NOSIP: variants seen among roughly 807,000 people sequenced by gnomAD.
The protein encoded by NOSIP is nitric oxide synthase-interacting protein.
NOSIP carries 25 observed loss-of-function variants against 36.4 expected under a neutral mutation model. That is an observed-to-expected ratio of 0.69 (90% confidence interval 0.50 to 0.96). The LOEUF (loss-of-function observed/expected upper bound fraction) is 0.96. NOSIP is among the 40% of genes least tolerant of loss of function. NOSIP has a pLI of 0.00. For missense variants in NOSIP, 370 were observed against 429.0 expected (o/e 0.86, Z 1.21); for synonymous variants, 187 against 179.2 (o/e 1.04, Z -0.35).
At position 49,557,273 on chromosome 19, in the gene NOSIP, G is replaced by A. The variant is rs770837422; in HGVS notation, c.259-24C>T. 7.7e-6 allele frequency: 12 copies of A among 1,555,898 alleles called. No homozygotes were observed. In the South Asian group the frequency reaches 1.4e-4, roughly 18 times the overall value. ...GCCTGCGTCGGGGAAAGTGGGCTGA[G>A]CATCTGCCCGTGGGGCTGGGGGTAT... On this transcript the variant is annotated intron_variant, in intron 4 of 8. Transcript: ENST00000596358.
rs530379193 is a variant in NOSIP at position 49,559,916 on chromosome 19, T to G, written c.176+18A>C. The stretch of plus-strand genomic sequence containing the variant: ...TGCTCTCCCCACCCAGACCTACCCA[T>G]CCCTGTTCCCAGCTCACGTGACAAC... On this transcript the variant is annotated intron_variant, in intron 3 of 8. Transcript: ENST00000596358. 8.8e-6 allele frequency: 14 copies of G among 1,589,596 alleles called. No individual in the cohort carries two copies. Among genetic ancestry groups the G allele is most frequent in the Non-Finnish European group, 1.1e-5 (13 of 1,161,568 alleles).
Position 49,560,513 on chromosome 19 carries a change from C to CG in NOSIP, c.70+108dup, listed in dbSNP as rs138827072. On this transcript the variant is annotated intron_variant, in intron 2 of 8. Transcript: ENST00000596358. This position sits in a 1 kb window ranked among gnomAD's most constrained non-coding sequence, Gnocchi z 4.6. ...CATGGTCATGGCCATCAGTGTATAT[C>CG]GGGGGCGGGAGAGAGACAGGGACAG... 0.12 allele frequency: 96,560 copies of CG among 791,044 alleles called. 6,762 individuals carry two copies. The highest frequency in any genetic ancestry group is 0.17 in the African/African-American group (10,131 of 58,972). 49.0% of individuals were successfully genotyped at this position (791,044 alleles called of 1,614,324 possible).
intron 4 of NOSIP, chr19:49,558,687 T>C: frequency 1.6e-6 from 1 of 617,330 alleles, no homozygotes; most frequent in Non-Finnish European, 2.9e-6. Flanking sequence ...AGAGAAGAGG[T>C]GACTGGGGCA....
intron 1 of NOSIP, among the ~76,000 whole-genome samples, chr19:49,563,303 G>A (rs527411661): frequency 6.6e-6 from 1 of 151,724 alleles, no homozygotes; most frequent in African/African-American, 2.4e-5. Context: ...AGCCTCTCGA[G>A]TAGCTGGGAC....
intron 1 of NOSIP, among the ~76,000 whole-genome samples, chr19:49,567,026 G>T (rs1269545419): frequency 1.3e-5 from 2 of 151,566 alleles, no homozygotes; most frequent in Admixed American, 1.3e-4. Flanking sequence ...ATGTTGGCCA[G>T]GCTGGTCTTG....
At chr19:49,568,407 T>C (rs1015041026) in intron 1 of NOSIP, among the ~76,000 whole-genome samples, 2 of 152,142 alleles carry the variant, frequency 1.3e-5, no homozygotes, top group African/African-American at 4.8e-5. Flanking sequence ...GGTATTTGTT[T>C]GAAGTGCCGT....
intron 1 of NOSIP, among the ~76,000 whole-genome samples, chr19:49,562,377 G>C (rs1272968689): frequency 6.6e-6 from 1 of 151,926 alleles, no homozygotes; most frequent in Non-Finnish European, 1.5e-5. Flanking sequence ...ACCTGCCTCA[G>C]CCTCCCAAAG....
chr19:49,569,784 G>T (rs2080461393), intron 1 of NOSIP, among the ~76,000 whole-genome samples: 1 of 151,754 alleles, frequency 6.6e-6, no homozygotes, highest in Non-Finnish European at 1.5e-5. Flanking sequence ...CTCCAGCCTG[G>T]GGGACAAGAG....
At chr19:49,578,830 A>G (rs1301580523) in intron 1 of NOSIP, among the ~76,000 whole-genome samples, 1 of 151,442 alleles carries the variant, frequency 6.6e-6, no homozygotes, top group Non-Finnish European at 1.5e-5. Flanking sequence ...TCACCGTGTT[A>G]GCCAGGATGG....
chr19:49,559,938 C>G lies in NOSIP; in HGVS notation c.172G>C (p.Val58Leu), dbSNP rs1001952426. ...CCATCCCTGTTCCCAGCTCACGTGA[C>G]AACAGGATCGTGGCAAGGCTGCAGG... ...LSLQPCHDPVVTPDGYLYERE... is the reference protein window; with the variant it reads ...LSLQPCHDPVLTPDGYLYERE... The change falls in exon 3 of 9, where the codon GTC (valine) becomes CTC (leucine). Residue 58 changes from valine (V) to leucine (L), a missense_variant. Coordinates refer to ENST00000596358, the MANE Select transcript of NOSIP (RefSeq NM_001270960.2). The G allele has an allele frequency of 1.2e-6, 2 of 1,610,592 alleles. No individual in the cohort carries two copies. The highest frequency in any genetic ancestry group is 2.7e-5 in the African/African-American group (2 of 74,852).
intron 4 of NOSIP, chr19:49,557,813 C>A: frequency 1.0e-6 from 1 of 987,814 alleles, no homozygotes; most frequent in African/African-American, 1.7e-5. Context: ...GTTGCCTGGG[C>A]GGTGCTGCAG....
Position 49,557,589 on chromosome 19 carries a change from G to C in NOSIP, c.259-340C>G, listed in dbSNP as rs117515856. ...AAGGTGAGTGTTTACAGCATGGAGA[G>C]CCTCACCTGGCACTCAGCTAAGCAT... On this transcript the variant is annotated intron_variant, in intron 4 of 8. Coordinates refer to ENST00000596358, the MANE Select transcript of NOSIP (RefSeq NM_001270960.2). 3.0e-4 allele frequency: 356 copies of C among 1,179,566 alleles called. 4 individuals carry two copies. In the East Asian group the frequency reaches 0.013, roughly 42 times the overall value. 73.1% of individuals were successfully genotyped at this position (1,179,566 alleles called of 1,614,324 possible). A position where few individuals can be genotyped will look rare whatever the true frequency, so the allele number is the denominator to read the frequency against.
chr19:49,556,271 G>A, intron 8 of NOSIP, 46 bp downstream of exon 8: 1 of 1,183,418 alleles, frequency 8.5e-7, no homozygotes, highest in South Asian at 1.3e-5. Flanking sequence ...AAGGGGAGGG[G>A]CGGGGCCTTG....
intron 3 of NOSIP, 70 bp from the exon 4 acceptor site, chr19:49,559,048 AT>A: frequency 8.0e-7 from 1 of 1,250,970 alleles, no homozygotes; most frequent in Non-Finnish European, 1.2e-6. Context: ...AAGTGCTGGG[AT>A]TATAGGCAGA....
chr19:49,573,734 G>A (rs1275263833), intron 1 of NOSIP, among the ~76,000 whole-genome samples: 1 of 152,100 alleles, frequency 6.6e-6, no homozygotes, highest in African/African-American at 2.4e-5. Context: ...CTTTCCACAT[G>A]TGAACACATT....
At chr19:49,567,174 G>A (rs894956609) in intron 1 of NOSIP, among the ~76,000 whole-genome samples, 1 of 141,992 alleles carries the variant, frequency 7.0e-6, no homozygotes, top group African/African-American at 2.6e-5. Context: ...CCAGGCTGGA[G>A]TGCAGTGGCG....
At chr19:49,570,898 A>G (rs1397445151) in intron 1 of NOSIP, among the ~76,000 whole-genome samples, 1 of 152,116 alleles carries the variant, frequency 6.6e-6, no homozygotes, top group Non-Finnish European at 1.5e-5. Flanking sequence ...CCAAGAACTG[A>G]GGTTTCTACA....
intron 1 of NOSIP, among the ~76,000 whole-genome samples, chr19:49,562,305 G>A (rs917091322): frequency 4.6e-5 from 7 of 152,020 alleles, no homozygotes; most frequent in Non-Finnish European, 1.0e-4. Flanking sequence ...TGTATTTTTA[G>A]TAGAGACGGG....
chr19:49,571,758 G>C lies in NOSIP; in HGVS notation c.-2+8757C>G, dbSNP rs937488508. ...TGCCAGCACTCTGGGAGGCTGAGAC[G>C]GGTGGATCACAAGGTCAAGATGTTG... On this transcript the variant is annotated intron_variant, in intron 1 of 8. Transcript: ENST00000596358. 2.6e-5 allele frequency among the ~76,000 whole-genome samples: 4 copies of C among 152,180 alleles called. No homozygotes were observed. The South Asian group carries it at 8.3e-4, about 32-fold the overall frequency.
Sources: allele counts gnomAD v4.1 joint callset (sites outside exome capture counted in the v4.1 genomes callset), GRCh38; gene constraint gnomAD v4.1.1; non-coding constraint Gnocchi (gnomAD v3.1); transcripts MANE v1.5; gene names NCBI Gene and HGNC (gene_info 2026-07-23, HGNC 2026-07-21).